CCT8: variants seen among roughly 807,000 people sequenced by gnomAD.
CCT8 encodes the protein chaperonin containing TCP1 subunit 8, also known as T-complex protein 1 subunit theta.
A neutral mutation model predicts 65.7 loss-of-function variants in CCT8; 10 were observed. That is an observed-to-expected ratio of 0.15 (90% confidence interval 0.09 to 0.26). The LOEUF is 0.26. CCT8 is among the 10% of genes least tolerant of loss of function. The pLI, the probability that CCT8 is intolerant of heterozygous loss-of-function variation, is 1.00. For missense variants in CCT8, 568 were observed against 669.1 expected (o/e 0.85, Z 1.67); for synonymous variants, 199 against 221.8 (o/e 0.90, Z 0.92).
chr21:29,058,560 G>C (rs930359670), intron 14 of CCT8, among the ~76,000 whole-genome samples: 1 of 151,914 alleles, frequency 6.6e-6, no homozygotes, highest in African/African-American at 2.4e-5. Context: ...ATATTGGTGG[G>C]TCTGGAGTGA....
intron 11 of CCT8, among the ~76,000 whole-genome samples, chr21:29,061,827 G>A (rs991778719): frequency 2.0e-5 from 3 of 152,202 alleles, no homozygotes; most frequent in African/African-American, 7.2e-5. Flanking sequence ...CATATCCACA[G>A]ATATAGCACT....
At chr21:29,063,263 A>G (rs2085583648) in intron 8 of CCT8, 89 bp downstream of exon 8, 2 of 994,288 alleles carry the variant, frequency 2.0e-6, no homozygotes, top group Non-Finnish European at 3.0e-6. Context: ...CCCTTTATTA[A>G]CAGTCTTCAT....
In CCT8 at chr21:29,060,660, C is replaced by T; in HGVS notation, c.1450G>A (p.Ala484Thr). 1 of 1,611,356 alleles carries T rather than the reference C, an allele frequency of 6.2e-7. No homozygotes were observed. The highest frequency in any genetic ancestry group is 8.5e-7 in the Non-Finnish European group (1 of 1,179,030). The stretch of plus-strand genomic sequence containing the variant: ...ATGTCCTTTACAGCAGGGACTTCAG[C>T]CTGTCAAACACAATTTTCATCCTTT... ...GNKNVGLDIE[A>T]EVPAVKDMLE... The change falls in exon 14 of 15, where the codon GCT becomes ACT. Residue 484 changes from alanine (A) to threonine (T), a missense_variant and splice_region_variant. Coordinates refer to ENST00000286788, the MANE Select transcript of CCT8 (RefSeq NM_006585.4).
In CCT8 at chr21:29,067,491, A is replaced by T. The variant is rs540535518; in HGVS notation, c.381+65T>A. The T allele has an allele frequency of 1.7e-5, 21 of 1,272,506 alleles. 1 individual carries two copies. In the South Asian group the frequency reaches 4.4e-4, roughly 27 times the overall value. The allele number at this position is 1,272,506 out of a possible 1,614,324, so 78.8% of individuals were successfully genotyped here. The stretch of plus-strand genomic sequence containing the variant: ...ACTACTATAATAATGATTTTAGTTT[A>T]TGTTTTAAGCAGGTGTATATGTAAG... On this transcript the variant is annotated intron_variant, in intron 4 of 14. Coordinates refer to ENST00000286788, the MANE Select transcript of CCT8 (RefSeq NM_006585.4).
chr21:29,066,666 A>C (rs771599664), intron 6 of CCT8, 50 bp downstream of exon 6: 13 of 1,199,440 alleles, frequency 1.1e-5, no homozygotes, highest in Non-Finnish European at 1.4e-5. Context: ...CAAAAAAAGC[A>C]CACAAAAAAA....
At chr21:29,057,276 A>C (rs1170760745) in intron 14 of CCT8, among the ~76,000 whole-genome samples, 1 of 151,460 alleles carries the variant, frequency 6.6e-6, no homozygotes, top group African/African-American at 2.4e-5. Context: ...GGTTCAAGCA[A>C]TTCTCCTGCC....
At chr21:29,061,455 A>G in intron 12 of CCT8, 38 bp from the exon 13 acceptor site, 2 of 1,613,578 alleles carry the variant, frequency 1.2e-6, no homozygotes, top group Non-Finnish European at 1.7e-6. Context: ...CTTTTATTCA[A>G]GCAATGGAAA....
In CCT8 at chr21:29,056,552, T is replaced by G. The variant is rs1158475850; in HGVS notation, c.1570A>C (p.Ile524Leu). The G allele has an allele frequency of 6.4e-7, 1 of 1,555,108 alleles. No individual in the cohort carries two copies. The highest frequency in any genetic ancestry group is 8.7e-7 in the Non-Finnish European group (1 of 1,150,678). ...AAVTVLRVDQ[I>L]IMAKPAGGPK... is the part of the protein sequence containing the mutation. The stretch of plus-strand genomic sequence containing the variant: ...CCACCAGCTGGTTTTGCCATGATGA[T>G]CTGCATAAAAAAGAATCACACAAGA... Residue 524 changes from isoleucine to leucine, a missense_variant and splice_region_variant, in exon 15 of 15, where the codon ATC becomes CTC. By Grantham distance (5) the Ile-to-Leu change is conservative. Coordinates refer to ENST00000286788, the MANE Select transcript of CCT8 (RefSeq NM_006585.4).
At chr21:29,071,240 G>C (rs1470057734) in intron 1 of CCT8, among the ~76,000 whole-genome samples, 2 of 152,148 alleles carry the variant, frequency 1.3e-5, no homozygotes, top group African/African-American at 4.8e-5. Flanking sequence ...CAGTTCAAAT[G>C]CCCAGTAGCT....
intron 11 of CCT8, 76 bp downstream of exon 11, chr21:29,062,052 G>A: frequency 1.1e-6 from 1 of 952,224 alleles, no homozygotes; most frequent in Non-Finnish European, 1.7e-6. Context: ...ATGTGCAAGA[G>A]TCTGCAAACT....
At position 29,069,437 on chromosome 21, in the gene CCT8, A is replaced by T; in HGVS notation, c.217T>A (p.Leu73Ile). 5 of 1,577,568 alleles carry T rather than the reference A, an allele frequency of 3.2e-6. No homozygotes were observed. Among genetic ancestry groups the T allele is most frequent in the Non-Finnish European group, 4.3e-6 (5 of 1,163,936 alleles). Residue 73 changes from leucine (L) to isoleucine (I), a missense_variant, in exon 3 of 15, where the codon TTA becomes ATA. By Grantham distance (5) the Leu-to-Ile change is conservative. Transcript: ENST00000286788. Reference sequence around the variant, plus strand: ...AAACAACTTACTTCTAGTTCTCTTAAAATAGTTGCTGCATCGTTTGTCACA... The same window carrying T: ...AAACAACTTACTTCTAGTTCTCTTATAATAGTTGCTGCATCGTTTGTCACA... ...LFVTNDAATILRELEVQHPAA... is the reference protein window; with the variant it reads ...LFVTNDAATIIRELEVQHPAA...
Position 29,061,375 on chromosome 21 carries a change from C to T in CCT8, c.1327G>A (p.Glu443Lys). Residue 443 changes from glutamate to lysine, a missense_variant, in exon 13 of 15, where the codon GAG becomes AAG. Physicochemically the swap from Glu to Lys is moderately conservative, Grantham distance 56 (BLOSUM62 1). Coordinates refer to ENST00000286788, the MANE Select transcript of CCT8 (RefSeq NM_006585.4). ...LEQYAIKKFAEAFEAIPRALA... is the reference protein window; with the variant it reads ...LEQYAIKKFAKAFEAIPRALA... Reference sequence around the variant, plus strand: ...GCGCGGGGAATAGCTTCAAATGCCTCAGCAAACTTCTTAATAGCATACTGT... The same window carrying T: ...GCGCGGGGAATAGCTTCAAATGCCTTAGCAAACTTCTTAATAGCATACTGT... The T allele has an allele frequency of 1.2e-6, 2 of 1,614,022 alleles. No homozygotes were observed. Among genetic ancestry groups the T allele is most frequent in the Non-Finnish European group, 1.7e-6 (2 of 1,179,956 alleles).
chr21:29,070,137 CAAATT>C, intron 2 of CCT8, 105 bp downstream of exon 2: 1 of 555,948 alleles, frequency 1.8e-6, no homozygotes. Flanking sequence ...ATTGAGCTAT[CAAATT>C]AACTTCCGAA....
At chr21:29,069,400 G>C in intron 3 of CCT8, 23 bp downstream of exon 3, 1 of 1,417,026 alleles carries the variant, frequency 7.1e-7, no homozygotes, top group Non-Finnish European at 9.7e-7. Flanking sequence ...AATATTTCTT[G>C]ACTTTTTAAA....
chr21:29,071,985 C>CTA (rs1228638360), intron 1 of CCT8: 2 of 701,018 alleles, frequency 2.9e-6, no homozygotes, highest in Admixed American at 2.0e-5. Context: ...TTCAGCCCTA[C>CTA]AACCTGTTGT....
intron 13 of CCT8, among the ~76,000 whole-genome samples, chr21:29,060,997 A>G (rs1403968930): frequency 6.6e-6 from 1 of 152,206 alleles, no homozygotes; most frequent in Non-Finnish European, 1.5e-5. Context: ...GTTTTTCCAA[A>G]TATTTTCAAT....
chr21:29,072,152 G>A, intron 1 of CCT8: 1 of 581,718 alleles, frequency 1.7e-6, no homozygotes, highest in East Asian at 2.8e-5. Flanking sequence ...TGAGCTAAGA[G>A]TTCTTCCCTA....
At chr21:29,071,922 G>T (rs999220140) in intron 1 of CCT8, 2 of 702,026 alleles carry the variant, frequency 2.8e-6, no homozygotes, top group Non-Finnish European at 5.2e-6. Flanking sequence ...ACGTATCCCG[G>T]CCCTTGTATG....
intron 1 of CCT8, 120 bp from the exon 2 acceptor site, chr21:29,070,457 T>G (rs973363020): frequency 4.1e-5 from 22 of 539,266 alleles, no homozygotes; most frequent in Admixed American, 1.9e-4. Flanking sequence ...ATAGCTTAGG[T>G]ATTTGGCACA....
Sources: gnomAD v4.1 joint callset for allele counts (sites outside exome capture counted in the v4.1 genomes callset) on GRCh38, gnomAD v4.1.1 for gene constraint, MANE v1.5 for transcripts, NCBI Gene and HGNC (gene_info 2026-07-23, HGNC 2026-07-21) for gene names.